ZNF596: variants seen among roughly 807,000 people sequenced by gnomAD.
The protein encoded by ZNF596 is zinc finger protein 596.
Under a neutral mutation model 48.3 loss-of-function variants are expected in ZNF596, and 45 were observed. The observed-to-expected ratio is 0.93, with a 90% CI of 0.73 to 1.19. ZNF596 has a LOEUF of 1.19. ZNF596 is among the 50% of genes most tolerant of loss of function. ZNF596 has a pLI of 0.00. For missense variants in ZNF596, 848 were observed against 599.7 expected, an observed-to-expected ratio of 1.41 and a Z score of -4.32; for synonymous variants, 270 against 202.0, an observed-to-expected ratio of 1.34 and a Z score of -2.85.
Position 245,843 on chromosome 8 carries a change from G to C in ZNF596, c.996G>C (p.Glu332Asp). The C allele has an allele frequency of 5.6e-6, 9 of 1,613,980 alleles. No homozygotes were observed. The highest frequency in any genetic ancestry group is 7.6e-6 in the Non-Finnish European group (9 of 1,179,978). Residue 332 changes from glutamate to aspartate, a missense_variant, in exon 6 of 6, where the codon GAG becomes GAC. Glu to Asp is a conservative substitution (Grantham distance 45). Coordinates refer to ENST00000398612, the MANE Select transcript of ZNF596 (RefSeq NM_001042416.3). ...LRQHERTHNG[E>D]KPYECHLCGK... ...AACATGAAAGAACTCACAATGGAGA[G>C]AAACCATATGAATGTCATCTATGTG...
At chr8:243,937 G>A in intron 4 of ZNF596, 132 bp downstream of exon 4, 3 of 682,460 alleles carry the variant, frequency 4.4e-6, no homozygotes, top group South Asian at 1.8e-5. Flanking sequence ...ACCCAGGCTG[G>A]AGTGCAGTGG....
chr8:239,935 G>A (rs1796781980), intron 1 of ZNF596, among the ~76,000 whole-genome samples: 2 of 152,124 alleles, frequency 1.3e-5, no homozygotes, highest in South Asian at 4.1e-4. Flanking sequence ...TAGAACAGAA[G>A]ACACTCTTAT....
intron 3 of ZNF596, 188 bp from the exon 4 acceptor site, chr8:243,534 G>A (rs994452314): frequency 8.4e-6 from 4 of 474,360 alleles, no homozygotes; most frequent in African/African-American, 6.0e-5. Flanking sequence ...GGTCTTTTAT[G>A]TCTGGGAACA....
rs924488659 is a variant in ZNF596, at chr8:241,542, A to G, written c.12+635A>G. ...CCAAATTAACCTCTGATCAAATTTGATAACTGGAAGCAACTGGAGTGTTGT... is the reference window on the plus strand; with the variant it reads ...CCAAATTAACCTCTGATCAAATTTGGTAACTGGAAGCAACTGGAGTGTTGT... On this transcript the variant is annotated intron_variant, in intron 2 of 5. Transcript: ENST00000398612. Among the ~76,000 whole-genome samples, 6 of 152,222 alleles carry G rather than the reference A, an allele frequency of 3.9e-5. No individual in the cohort carries two copies. In the East Asian group the frequency reaches 7.7e-4, roughly 20 times the overall value.
rs751911585 is a variant in ZNF596 at position 246,282 on chromosome 8, C to T, written c.1435C>T (p.Leu479=). The change falls in exon 6 of 6, where the codon CTA becomes TTA. Residue 479 remains leucine (L), a synonymous_variant. Transcript: ENST00000398612. ...TGGAGAGAAACCATATGTATGTCCT[C>T]TATGTGGGAAAGCCTTTAGTAAATT... ...HTGEKPYVCP[L]CGKAFSKFFN... 6.2e-7 allele frequency: 1 copy of T among 1,610,948 alleles called. No homozygotes were observed. Among genetic ancestry groups the T allele is most frequent in the African/African-American group, 1.3e-5 (1 of 74,696 alleles).
chr8:244,333 G>A (rs960121377), intron 4 of ZNF596: 1 of 363,880 alleles, frequency 2.7e-6, no homozygotes, highest in Admixed American at 4.7e-5. Flanking sequence ...TTGTAAAGGG[G>A]ATATTTGTGT....
chr8:245,439 C>T lies in ZNF596; in HGVS notation c.592C>T (p.Arg198Cys), dbSNP rs368193559. ...CACTAGAGAGATAACATTGGAATGT[C>T]GTGTGTGTGGGAAAACCTTTAGCAA... ...THTREITLEC[R>C]VCGKTFSKNS... Residue 198 changes from arginine to cysteine, a missense_variant, in exon 6 of 6, where the codon CGT (arginine) becomes TGT (cysteine). Coordinates refer to ENST00000398612, the MANE Select transcript of ZNF596 (RefSeq NM_001042416.3). 129 of 1,614,150 alleles carry T rather than the reference C, an allele frequency of 8.0e-5. 2 individuals carry two copies. The Middle Eastern group carries it at 1.2e-3, about 14-fold the overall frequency.
rs751056817 is a variant in ZNF596 at position 244,589 on chromosome 8, A to G, written c.224-30A>G. On this transcript the variant is annotated intron_variant, in intron 4 of 5. Coordinates refer to ENST00000398612, the MANE Select transcript of ZNF596 (RefSeq NM_001042416.3). Reference sequence around the variant, plus strand: ...ACATTTTTATTCCCCTAATGCCTATATAGCATCTTTTTTTTTTCATTTATT... The same window carrying G: ...ACATTTTTATTCCCCTAATGCCTATGTAGCATCTTTTTTTTTTCATTTATT... 1.1e-5 allele frequency: 17 copies of G among 1,534,700 alleles called. No homozygotes were observed. In the East Asian group the frequency reaches 2.3e-4, roughly 20 times the overall value.
intron 5 of ZNF596, 90 bp from the exon 6 acceptor site, chr8:245,064 A>C: frequency 1.4e-6 from 2 of 1,404,440 alleles, no homozygotes; most frequent in Non-Finnish European, 1.9e-6. Flanking sequence ...CTGAATGATT[A>C]TTCTAGAATT....
At position 246,665 on chromosome 8, in the gene ZNF596, G is replaced by T. The variant is rs57413129; in HGVS notation, c.*303G>T. ...ACATCACGAAAATTCTGTGCCTGTC[G>T]TCAGTGTGAAAATGCCTTTGCTGAT... is the stretch of plus-strand genomic sequence containing the variant. On this transcript the variant is annotated 3_prime_UTR_variant, in exon 6 of 6. Coordinates refer to ENST00000398612, the MANE Select transcript of ZNF596 (RefSeq NM_001042416.3). 1.1e-5 allele frequency: 3 copies of T among 262,550 alleles called. No homozygotes were observed. The highest frequency in any genetic ancestry group is 2.2e-5 in the Non-Finnish European group (3 of 139,412). The allele number at this position is 262,550 out of a possible 1,614,324, so 16.3% of individuals were successfully genotyped here.
At chr8:242,027 A>G (rs999637208) in intron 2 of ZNF596, among the ~76,000 whole-genome samples, 1 of 152,078 alleles carries the variant, frequency 6.6e-6, no homozygotes, top group Non-Finnish European at 1.5e-5. Flanking sequence ...CTCCCACCGG[A>G]CCCCTCCCCC....
intron 1 of ZNF596, among the ~76,000 whole-genome samples, chr8:238,561 G>C (rs12675741): frequency 6.8e-6 from 1 of 146,506 alleles, no homozygotes; most frequent in African/African-American, 2.5e-5. Context: ...AGCACTTTGA[G>C]AGGCCGAGGT....
At chr8:241,335 G>A (rs921228487) in intron 2 of ZNF596, among the ~76,000 whole-genome samples, 3 of 152,168 alleles carry the variant, frequency 2.0e-5, no homozygotes, top group Non-Finnish European at 4.4e-5. Flanking sequence ...TTAGTCTAGT[G>A]TTTCAGGTGT....
chr8:233,082 G>C (rs1007815146), intron 1 of ZNF596: 47 of 468,352 alleles, frequency 1.0e-4, no homozygotes, highest in Non-Finnish European at 1.8e-4. Context: ...AAACAGAGGA[G>C]GGAGGTAGAG....
chr8:237,471 T>C (rs1796665099), intron 1 of ZNF596: 1 of 152,334 alleles, frequency 6.6e-6, no homozygotes, highest in African/African-American at 2.4e-5. Context: ...ATTCCATGGT[T>C]CTGGCTACTT....
In ZNF596 at chr8:232,484, C is replaced by T. The variant is rs546670276; in HGVS notation, c.-283C>T. The T allele has an allele frequency of 2.0e-5, 6 of 295,052 alleles. No homozygotes were observed. Among genetic ancestry groups the T allele is most frequent in the Admixed American group, 5.3e-5 (1 of 18,956 alleles). 18.3% of individuals were successfully genotyped at this position (295,052 alleles called of 1,614,324 possible). ...TCCCTTCCTGCGGCGTCCTCCACAC[C>T]CGGGGTCTGCTGGTCTCCGCGGATG... On this transcript the variant is annotated 5_prime_UTR_variant, in exon 1 of 6. Transcript: ENST00000398612.
intron 1 of ZNF596, among the ~76,000 whole-genome samples, chr8:237,886 C>T (rs1354823111): frequency 6.6e-6 from 1 of 152,220 alleles, no homozygotes; most frequent in Non-Finnish European, 1.5e-5. Flanking sequence ...GGCTGAGCTT[C>T]TGCCATCTGT....
chr8:247,113 A>G lies in ZNF596; in HGVS notation c.*751A>G, dbSNP rs1267813324. On this transcript the variant is annotated 3_prime_UTR_variant, in exon 6 of 6. Coordinates refer to ENST00000398612, the MANE Select transcript of ZNF596 (RefSeq NM_001042416.3). ...ACCTTCAGGCAGCTTTTATGTCAAAAAAGTGAGACAGGGATGAAAACTCTA... is the reference window on the plus strand; with the variant it reads ...ACCTTCAGGCAGCTTTTATGTCAAAGAAGTGAGACAGGGATGAAAACTCTA... 1 of 152,214 alleles carries G rather than the reference A, an allele frequency of 6.6e-6. No homozygotes were observed. Among genetic ancestry groups the G allele is most frequent in the East Asian group, 1.9e-4 (1 of 5,194 alleles). The allele number at this position is 152,214 out of a possible 1,614,324, so 9.4% of individuals were successfully genotyped here. A position where few individuals can be genotyped will look rare whatever the true frequency, so the allele number is the denominator to read the frequency against.
intron 4 of ZNF596, chr8:244,293 C>A: frequency 3.5e-6 from 1 of 282,502 alleles, no homozygotes; most frequent in Non-Finnish European, 6.5e-6. Flanking sequence ...AATTTTTATT[C>A]AAGTATCTCT....
Sources: gnomAD v4.1 joint callset for allele counts (sites outside exome capture counted in the v4.1 genomes callset) on GRCh38, gnomAD v4.1.1 for gene constraint, MANE v1.5 for transcripts, NCBI Gene and HGNC (gene_info 2026-07-23, HGNC 2026-07-21) for gene names.